CDC20B: variants seen among roughly 807,000 people sequenced by gnomAD.
The protein encoded by CDC20B is cell division cycle protein 20 homolog B.
In CDC20B, 58 loss-of-function variants were observed where a neutral mutation model predicts 64.1. The observed-to-expected ratio is 0.90, with a 90% CI of 0.73 to 1.13. The LOEUF is 1.13. Ranked by LOEUF, CDC20B falls within the 50% of genes most tolerant of loss-of-function variation. CDC20B has a pLI of 0.00. For synonymous variants in CDC20B, 243 were observed against 230.6 expected (o/e 1.05, Z -0.49); for missense variants, 597 against 633.0 (o/e 0.94, Z 0.61).
chr5:55,165,035 T>C (rs1418453626), intron 2 of CDC20B: 1 of 152,180 alleles, frequency 6.6e-6, no homozygotes, highest in Admixed American at 6.5e-5. Context: ...AAAAAGGACA[T>C]GAGTATAAGA....
At chr5:55,125,099 T>C (rs1310660264) in intron 8 of CDC20B, 71 bp from the exon 9 acceptor site, 33 of 1,273,720 alleles carry the variant, frequency 2.6e-5, no homozygotes, top group Non-Finnish European at 3.4e-5. Flanking sequence ...GAGGAAAGCA[T>C]AGTTCAAAGT....
Position 55,172,927 on chromosome 5 carries a change from G to GTGT in CDC20B, c.63+8_63+10dup. On this transcript the variant is annotated intron_variant, in intron 1 of 11. Transcript: ENST00000381375. ...AGAGTTAGGGAGAATGCAGAAAAGG[G>GTGT]TGTTACTCACCCACAGCATCTCCTC... 1.9e-6 allele frequency: 3 copies of GTGT among 1,597,992 alleles called. No individual in the cohort carries two copies. Among genetic ancestry groups the GTGT allele is most frequent in the Non-Finnish European group, 2.6e-6 (3 of 1,171,888 alleles).
intron 2 of CDC20B, among the ~76,000 whole-genome samples, chr5:55,149,869 C>T (rs1743612009): frequency 6.6e-6 from 1 of 152,198 alleles, no homozygotes; most frequent in African/African-American, 2.4e-5. Context: ...TGCAGTGGCT[C>T]ACACCTGTAA....
intron 2 of CDC20B, 200 bp downstream of exon 2, chr5:55,172,388 T>C: frequency 3.7e-6 from 2 of 537,560 alleles, no homozygotes; most frequent in Non-Finnish European, 6.6e-6. Flanking sequence ...AACTAGAAAG[T>C]ACGATTCAGA....
intron 3 of CDC20B, among the ~76,000 whole-genome samples, chr5:55,145,620 T>C (rs1743447691): frequency 6.6e-6 from 1 of 152,148 alleles, no homozygotes; most frequent in African/African-American, 2.4e-5. Flanking sequence ...CACTGGTGGT[T>C]TGGAGCCCAC....
At chr5:55,156,852 C>T (rs992912622) in intron 2 of CDC20B, among the ~76,000 whole-genome samples, 2 of 152,020 alleles carry the variant, frequency 1.3e-5, no homozygotes, top group Admixed American at 6.6e-5. Flanking sequence ...CCAGTCTAGC[C>T]GACAGAGTGA....
intron 2 of CDC20B, among the ~76,000 whole-genome samples, chr5:55,162,733 C>A (rs1230449398): frequency 6.6e-6 from 1 of 152,240 alleles, no homozygotes; most frequent in Non-Finnish European, 1.5e-5. Context: ...ACTAATCATT[C>A]TTCAGTTACA....
intron 3 of CDC20B, among the ~76,000 whole-genome samples, chr5:55,145,424 A>T (rs2111881268): frequency 6.6e-6 from 1 of 152,382 alleles, no homozygotes; most frequent in East Asian, 1.9e-4. Context: ...CTGATAGTCA[A>T]AAGAATTATG....
chr5:55,127,316 A>G lies in CDC20B; in HGVS notation c.930T>C (p.Asn310=), dbSNP rs1365873356. Residue 310 remains asparagine (N), a synonymous_variant, in exon 8 of 12, where the codon AAT becomes AAC. Transcript: ENST00000381375. ...CAACTACTGACAAATGACCAAGCAT[A>G]TTTCTCAGCCGCTTTTTAGTTACCA... ...WDVVTKKRLR[N]MLGHLSVVGA... 1.1e-5 allele frequency: 17 copies of G among 1,614,030 alleles called. No individual in the cohort carries two copies. The highest frequency in any genetic ancestry group is 1.3e-5 in the African/African-American group (1 of 74,932).
intron 2 of CDC20B, among the ~76,000 whole-genome samples, chr5:55,169,290 T>C (rs1252137467): frequency 6.6e-6 from 1 of 152,216 alleles, no homozygotes; most frequent in Non-Finnish European, 1.5e-5. Context: ...GAAATATGTT[T>C]AAATAAGGAA....
At chr5:55,172,481 C>G in intron 2 of CDC20B, 107 bp downstream of exon 2, 2 of 895,364 alleles carry the variant, frequency 2.2e-6, no homozygotes, top group South Asian at 2.9e-5. Context: ...CTAAAATTCT[C>G]ATATTTTCAG....
At chr5:55,130,842 C>CA (rs1312793990) in intron 6 of CDC20B, among the ~76,000 whole-genome samples, 1 of 152,110 alleles carries the variant, frequency 6.6e-6, no homozygotes, top group African/African-American at 2.4e-5. Context: ...CATGACAGGC[C>CA]AGACACAGTG....
intron 2 of CDC20B, among the ~76,000 whole-genome samples, chr5:55,150,412 G>T (rs1743629552): frequency 6.6e-6 from 1 of 152,208 alleles, no homozygotes; most frequent in Non-Finnish European, 1.5e-5. Flanking sequence ...GTGTGTGAGG[G>T]TGCTGGCCCA....
intron 6 of CDC20B, among the ~76,000 whole-genome samples, chr5:55,130,804 G>T (rs190851875): frequency 2.0e-4 from 30 of 152,266 alleles, no homozygotes; most frequent in Admixed American, 1.4e-3. Context: ...ACAATTGGAT[G>T]GTTTTCAGTG....
At position 55,172,569 on chromosome 5, in the gene CDC20B, G is replaced by T; in HGVS notation, c.126+19C>A. 1 of 1,595,858 alleles carries T rather than the reference G, an allele frequency of 6.3e-7. No homozygotes were observed. Among genetic ancestry groups the T allele is most frequent in the South Asian group, 1.1e-5 (1 of 90,538 alleles). On this transcript the variant is annotated intron_variant, in intron 2 of 11. Transcript: ENST00000381375. ...AGATCAGAATTAAAACAGAGAACAAGAACAAGCCCTGGACTCACGTTGGCG... is the reference window on the plus strand; with the variant it reads ...AGATCAGAATTAAAACAGAGAACAATAACAAGCCCTGGACTCACGTTGGCG...
Position 55,120,278 on chromosome 5 carries a change from A to G in CDC20B, c.1341+147T>C, listed in dbSNP as rs1659640774. 1.2e-5 allele frequency: 10 copies of G among 846,496 alleles called. No homozygotes were observed. The South Asian group carries it at 1.4e-4, about 12-fold the overall frequency. 52.4% of individuals were successfully genotyped at this position (846,496 alleles called of 1,614,324 possible). A position where few individuals can be genotyped will look rare whatever the true frequency, so the allele number is the denominator to read the frequency against. On this transcript the variant is annotated intron_variant, in intron 10 of 11. Transcript: ENST00000381375. Reference sequence around the variant, plus strand: ...TGAACTCACAAATGAAGAGGTTTTTACAATAAAAAGAAACTCTTGAGAACT... The same window carrying G: ...TGAACTCACAAATGAAGAGGTTTTTGCAATAAAAAGAAACTCTTGAGAACT...
At chr5:55,159,436 G>A (rs565514537) in intron 2 of CDC20B, among the ~76,000 whole-genome samples, 1 of 152,216 alleles carries the variant, frequency 6.6e-6, no homozygotes, top group African/African-American at 2.4e-5. Flanking sequence ...CAAAGGAGAA[G>A]TGTTGTTTCT....
chr5:55,118,933 T>A (rs1423199965), intron 11 of CDC20B, among the ~76,000 whole-genome samples: 2 of 152,230 alleles, frequency 1.3e-5, no homozygotes, highest in East Asian at 3.8e-4. Flanking sequence ...GTTTTCTGCA[T>A]GTCTCCTCTC....
At chr5:55,149,564 T>A (rs1743600495) in intron 2 of CDC20B, among the ~76,000 whole-genome samples, 1 of 152,226 alleles carries the variant, frequency 6.6e-6, no homozygotes, top group African/African-American at 2.4e-5. Context: ...ATAATCTGCA[T>A]AAGCCTTGAA....
Sources: gnomAD v4.1 joint callset for allele counts (sites outside exome capture counted in the v4.1 genomes callset) on GRCh38, gnomAD v4.1.1 for gene constraint, MANE v1.5 for transcripts, NCBI Gene and HGNC (gene_info 2026-07-23, HGNC 2026-07-21) for gene names.